KMT2C: variants seen among roughly 807,000 people sequenced by gnomAD.
KMT2C encodes histone-lysine N-methyltransferase 2C.
A neutral mutation model predicts 507.9 loss-of-function variants in KMT2C; 88 were observed. The ratio of observed to expected loss-of-function variants is 0.17; its 90% confidence interval spans 0.15 to 0.21. KMT2C has a LOEUF of 0.21. KMT2C is among the 10% of genes least tolerant of loss of function. The pLI, the probability that KMT2C is intolerant of heterozygous loss-of-function variation, is 1.00. For missense variants in KMT2C, 4,954 were observed against 5,957.8 expected, an observed-to-expected ratio of 0.83 and a Z score of 5.55; for synonymous variants, 2,049 against 2,080.8, an observed-to-expected ratio of 0.98 and a Z score of 0.42.
intron 23 of KMT2C, among the ~76,000 whole-genome samples, chr7:152,212,502 T>C (rs2094476919): frequency 6.6e-6 from 1 of 152,176 alleles, no homozygotes; most frequent in Non-Finnish European, 1.5e-5. Flanking sequence ...GACATGATCC[T>C]GTATGTAGAA....
At chr7:152,278,497 C>T (rs528700951) in intron 6 of KMT2C, among the ~76,000 whole-genome samples, 223 of 152,390 alleles carry the variant, frequency 1.5e-3, no homozygotes, top group Non-Finnish European at 2.2e-3. Context: ...GCCAGCACCA[C>T]ACTTCCTGTA....
rs561875581 is a variant in KMT2C at position 152,344,807 on chromosome 7, G to A, written c.250+13780C>T. Among the ~76,000 whole-genome samples, 9 of 152,150 alleles carry A rather than the reference G, an allele frequency of 5.9e-5. No homozygotes were observed. The East Asian group carries it at 1.6e-3, about 26-fold the overall frequency. On this transcript the variant is annotated intron_variant, in intron 2 of 58. Coordinates refer to ENST00000262189, the MANE Select transcript of KMT2C (RefSeq NM_170606.3). ...TCGAGACCATCCTGGCTAACACAGT[G>A]AAACACCGTCTCTACTAAAAATATT...
At chr7:152,340,196 C>T (rs2096978295) in intron 2 of KMT2C, among the ~76,000 whole-genome samples, 1 of 150,828 alleles carries the variant, frequency 6.6e-6, no homozygotes, top group African/African-American at 2.4e-5. Context: ...CTATGTTGCC[C>T]AGGCTGGTCT....
chr7:152,389,392 C>CA (rs1394374842), intron 1 of KMT2C, among the ~76,000 whole-genome samples: 4 of 150,812 alleles, frequency 2.7e-5, no homozygotes, highest in African/African-American at 9.7e-5. Context: ...TTACGTCACT[C>CA]AGTTTGTGGT....
rs2092571725 is a variant in KMT2C, at chr7:152,163,567, G to C, written c.10010C>G (p.Pro3337Arg). The C allele has an allele frequency of 6.2e-7, 1 of 1,606,972 alleles. No homozygotes were observed. The highest frequency in any genetic ancestry group is 1.3e-5 in the African/African-American group (1 of 74,854). Reference protein sequence around the residue: ...VRMPSLPGWQPNSAPAHLPLN... With the variant: ...VRMPSLPGWQRNSAPAHLPLN... ...GGGCAGGTGGGCAGGAGCACTGTTGGGTTGCCATCCAGGTAAACTGGGCAT... is the reference window on the plus strand; with the variant it reads ...GGGCAGGTGGGCAGGAGCACTGTTGCGTTGCCATCCAGGTAAACTGGGCAT... The change falls in exon 43 of 59, where the codon CCC becomes CGC. Residue 3337 changes from proline to arginine, a missense_variant. Pro to Arg is a moderately radical substitution (Grantham distance 103). This residue lies in a region of KMT2C where 801 missense variants were observed against 751.2 expected (regional missense o/e 1.07). Coordinates refer to ENST00000262189, the MANE Select transcript of KMT2C (RefSeq NM_170606.3).
chr7:152,233,624 G>GA (rs2095190310), intron 16 of KMT2C, among the ~76,000 whole-genome samples: 1 of 151,984 alleles, frequency 6.6e-6, no homozygotes, highest in South Asian at 2.1e-4. Context: ...GACTGATCAG[G>GA]AAAAAAATAA....
chr7:152,215,333 G>A (rs980872242), intron 23 of KMT2C, among the ~76,000 whole-genome samples: 1 of 151,462 alleles, frequency 6.6e-6, no homozygotes, highest in Non-Finnish European at 1.5e-5. Flanking sequence ...CTAACATGGT[G>A]AAACCCCGCC....
chr7:152,270,404 A>G (rs1448198414), intron 7 of KMT2C, among the ~76,000 whole-genome samples: 1 of 152,226 alleles, frequency 6.6e-6, no homozygotes, highest in African/African-American at 2.4e-5. Context: ...GTGAATTAGG[A>G]TATGTAGCAT....
chr7:152,230,043 CA>C lies in KMT2C; in HGVS notation c.2872-17del. On this transcript the variant is annotated splice_polypyrimidine_tract_variant and intron_variant, in intron 17 of 58. Transcript: ENST00000262189. ...CACACATATCCTGAAGTTAAGAAAA[CA>C]GAACATATTTTAAATGGAGACTAAG... 1 of 1,419,724 alleles carries C rather than the reference CA, an allele frequency of 7.0e-7. No individual in the cohort carries two copies. The highest frequency in any genetic ancestry group is 9.8e-7 in the Non-Finnish European group (1 of 1,017,086). The allele number at this position is 1,419,724 out of a possible 1,614,324, so 87.9% of individuals were successfully genotyped here. A position where few individuals can be genotyped will look rare whatever the true frequency, so the allele number is the denominator to read the frequency against.
intron 9 of KMT2C, among the ~76,000 whole-genome samples, chr7:152,253,514 CA>C (rs71198770): frequency 0.069 from 2,698 of 39,280 alleles, 21 homozygotes; most frequent in South Asian, 0.15. Context: ...TCTTTCTCTA[CA>C]AAAAAAAAAA....
At chr7:152,345,644 C>T (rs916886552) in intron 2 of KMT2C, among the ~76,000 whole-genome samples, 1 of 152,122 alleles carries the variant, frequency 6.6e-6, no homozygotes, top group Non-Finnish European at 1.5e-5. Context: ...TGTGCCTCAG[C>T]CTCCTGAGTA....
chr7:152,310,649 CTG>C (rs1422695932), intron 5 of KMT2C, among the ~76,000 whole-genome samples: 3 of 152,002 alleles, frequency 2.0e-5, no homozygotes, highest in African/African-American at 7.3e-5. Flanking sequence ...GCCCAGCAAT[CTG>C]TGTTTGGTTC....
At chr7:152,172,002 AAGTATTTCC>A (rs1010917879) in intron 39 of KMT2C, among the ~76,000 whole-genome samples, 3 of 152,254 alleles carry the variant, frequency 2.0e-5, no homozygotes, top group African/African-American at 7.2e-5. Context: ...GCTTACATGA[AAGTATTTCC>A]TCTGGCATTA....
At chr7:152,297,364 T>C (rs966736721) in intron 6 of KMT2C, among the ~76,000 whole-genome samples, 16 of 152,122 alleles carry the variant, frequency 1.1e-4, no homozygotes, top group African/African-American at 3.9e-4. Context: ...AGGAGACAGT[T>C]GCATAGAAAA....
At chr7:152,190,561 T>C (rs537500953) in intron 31 of KMT2C, among the ~76,000 whole-genome samples, 2 of 152,252 alleles carry the variant, frequency 1.3e-5, no homozygotes, top group African/African-American at 4.8e-5. Flanking sequence ...AAAAGCAAAG[T>C]ATTTCTTCTT....
In KMT2C at chr7:152,401,044, C is replaced by T. The variant is rs138809406; in HGVS notation, c.161+34582G>A. ...AAGAAATGTAATTACATACTACTTG[C>T]CTCTGCTGTGAAAAATATTACATGA... On this transcript the variant is annotated intron_variant, in intron 1 of 58. Transcript: ENST00000262189. 1.7e-4 allele frequency among the ~76,000 whole-genome samples: 26 copies of T among 151,876 alleles called. No homozygotes were observed. In the East Asian group the frequency reaches 4.6e-3, roughly 27 times the overall value.
chr7:152,315,699 T>C (rs2096716081), intron 3 of KMT2C, among the ~76,000 whole-genome samples: 1 of 152,150 alleles, frequency 6.6e-6, no homozygotes, highest in Non-Finnish European at 1.5e-5. Context: ...CCCAGTACTC[T>C]GGGAGGTGGA....
chr7:152,313,904 CA>C (rs1236022342), intron 4 of KMT2C, among the ~76,000 whole-genome samples: 7 of 152,000 alleles, frequency 4.6e-5, no homozygotes, highest in African/African-American at 1.4e-4. Context: ...AAACCAATTC[CA>C]TTTCTCAGGA....
intron 1 of KMT2C, among the ~76,000 whole-genome samples, chr7:152,411,573 T>A (rs573150488): frequency 1.3e-5 from 2 of 152,310 alleles, no homozygotes; most frequent in African/African-American, 4.8e-5. Flanking sequence ...GTAGAGAAAG[T>A]AGATCCGACG....
Sources: gnomAD v4.1 joint callset for allele counts (sites outside exome capture counted in the v4.1 genomes callset) on GRCh38, gnomAD v4.1.1 for gene constraint, gnomAD v4.1.1 regional missense constraint, MANE v1.5 for transcripts, NCBI Gene and HGNC (gene_info 2026-07-23, HGNC 2026-07-21) for gene names.